The following KMO variants were observed in gnomAD, a reference collection of about 807,000 sequenced individuals.
KMO encodes the protein kynurenine 3-hydroxylase.
In KMO, 24 loss-of-function variants were observed where a neutral mutation model predicts 57.8. The observed-to-expected ratio is 0.42, with a 90% CI of 0.30 to 0.58. The LOEUF (loss-of-function observed/expected upper bound fraction) is 0.58, where lower values mean the gene tolerates loss of function less well. Among genes scored for constraint, KMO ranks in the 20% least tolerant of loss-of-function variants. The pLI, the probability that KMO is intolerant of heterozygous loss-of-function variation, is 0.22. For missense variants in KMO, 483 were observed against 588.2 expected (o/e 0.82, Z 1.85); for synonymous variants, 210 against 193.6 (o/e 1.08, Z -0.70).
intron 10 of KMO, among the ~76,000 whole-genome samples, chr1:241,578,600 G>A (rs962252482): frequency 6.6e-6 from 1 of 152,124 alleles, no homozygotes. Flanking sequence ...CTCAGATGGA[G>A]GGGAGTGACA....
rs1662170833 is a variant in KMO, at chr1:241,568,725, T to G, written c.957+78T>G. 3 of 1,329,406 alleles carry G rather than the reference T, an allele frequency of 2.3e-6. No homozygotes were observed. In the East Asian group the frequency reaches 7.5e-5, roughly 33 times the overall value. The allele number at this position is 1,329,406 out of a possible 1,614,324, so 82.4% of individuals were successfully genotyped here. On this transcript the variant is annotated intron_variant, in intron 10 of 14. Coordinates refer to ENST00000366559, the MANE Select transcript of KMO (RefSeq NM_003679.5). ...GCTAACAAGTCTTACGTAAAAAATA[T>G]GTCTAAGACTATCCCCACATAATCC...
chr1:241,541,001 C>G (rs1660939001), intron 1 of KMO, among the ~76,000 whole-genome samples: 1 of 152,136 alleles, frequency 6.6e-6, no homozygotes. Flanking sequence ...TTCAAGGTTG[C>G]AGTGAACTAT....
At position 241,549,756 on chromosome 1, in the gene KMO, T is replaced by C; in HGVS notation, c.204T>C (p.Ala68=). The C allele has an allele frequency of 6.2e-7, 1 of 1,610,866 alleles. No individual in the cohort carries two copies. Among genetic ancestry groups the C allele is most frequent in the Admixed American group, 1.7e-5 (1 of 59,956 alleles). Residue 68 remains alanine (A), a synonymous_variant, in exon 3 of 15, where the codon GCT becomes GCC. Transcript: ENST00000366559. ...LSHRGRQALK[A]VGLEDQIVSQ... ...ATAGAGGACGACAAGCCTTGAAAGC[T>C]GTTGGCCTGGAAGATCAGGTACTTA...
At chr1:241,562,125 C>T (rs1290766521) in intron 6 of KMO, 42 bp from the exon 7 acceptor site, 1 of 1,569,908 alleles carries the variant, frequency 6.4e-7, no homozygotes, top group Admixed American at 1.7e-5. Context: ...ATTTTCACCA[C>T]TAGACATATT....
chr1:241,568,709 T>G, intron 10 of KMO, 62 bp downstream of exon 10: 1 of 1,505,198 alleles, frequency 6.6e-7, no homozygotes, highest in Non-Finnish European at 9.1e-7. Context: ...AGCTAACAAG[T>G]CTTACGTAAA....
At chr1:241,533,654 T>C (rs1315654159) in intron 1 of KMO, among the ~76,000 whole-genome samples, 1 of 152,218 alleles carries the variant, frequency 6.6e-6, no homozygotes, top group Non-Finnish European at 1.5e-5. Flanking sequence ...GATTACTATG[T>C]ACCAATATTG....
intron 11 of KMO, 110 bp downstream of exon 11, chr1:241,586,846 C>G: frequency 1.3e-6 from 1 of 763,798 alleles, no homozygotes; most frequent in East Asian, 2.6e-5. Flanking sequence ...TGTATATTAT[C>G]TCCCCAGGAT....
intron 11 of KMO, among the ~76,000 whole-genome samples, chr1:241,587,139 G>C (rs1026886016): frequency 2.0e-5 from 3 of 152,150 alleles, no homozygotes; most frequent in Non-Finnish European, 4.4e-5. Context: ...GACAGGGGGT[G>C]GGGGGAGATG....
At chr1:241,586,962 T>G (rs1352362236) in intron 11 of KMO, among the ~76,000 whole-genome samples, 1 of 152,182 alleles carries the variant, frequency 6.6e-6, no homozygotes, top group Non-Finnish European at 1.5e-5. Flanking sequence ...TGGAGGTCCA[T>G]GAAGTGATTC....
intron 10 of KMO, among the ~76,000 whole-genome samples, chr1:241,584,536 T>C (rs648708): frequency 0.29 from 43,572 of 152,082 alleles, 6,518 homozygotes; most frequent in East Asian, 0.42. Flanking sequence ...GCTGATTAGA[T>C]GTTGAACACT....
intron 4 of KMO, 72 bp downstream of exon 4, chr1:241,551,116 A>G: frequency 1.2e-6 from 1 of 820,382 alleles, no homozygotes; most frequent in Non-Finnish European, 2.0e-6. Context: ...CTCTTGTTTG[A>G]TGGCCCCTCT....
In KMO at chr1:241,594,358, A is replaced by C; in HGVS notation, c.*2205A>C. On this transcript the variant is annotated 3_prime_UTR_variant, in exon 15 of 15. Coordinates refer to ENST00000366559, the MANE Select transcript of KMO (RefSeq NM_003679.5). ...ATTACATAGAACGGGTATTCCAGAC[A>C]CTTCTTATGATGAAAGTCCAAAAGT... is the stretch of plus-strand genomic sequence containing the variant. 1 of 1,513,550 alleles carries C rather than the reference A, an allele frequency of 6.6e-7. No homozygotes were observed. The highest frequency in any genetic ancestry group is 2.3e-5 in the East Asian group (1 of 44,244). The allele number at this position is 1,513,550 out of a possible 1,614,324, so 93.8% of individuals were successfully genotyped here.
At chr1:241,544,662 G>A (rs1311526148) in intron 1 of KMO, among the ~76,000 whole-genome samples, 2 of 152,142 alleles carry the variant, frequency 1.3e-5, no homozygotes, top group Non-Finnish European at 2.9e-5. Flanking sequence ...TTTTTCATGT[G>A]TGTTTTCTAG....
chr1:241,572,838 C>T (rs1056056671), intron 10 of KMO, among the ~76,000 whole-genome samples: 32 of 152,004 alleles, frequency 2.1e-4, no homozygotes, highest in African/African-American at 5.6e-4. Context: ...TATTACTCTG[C>T]GTTTCTGTAC....
intron 7 of KMO, among the ~76,000 whole-genome samples, chr1:241,562,742 G>A (rs1661897270): frequency 1.3e-5 from 2 of 152,156 alleles, no homozygotes; most frequent in Non-Finnish European, 2.9e-5. Context: ...GTGAGGCTGA[G>A]GTGGAAGGAT....
At chr1:241,559,395 A>C (rs1044418284) in intron 5 of KMO, among the ~76,000 whole-genome samples, 1 of 152,134 alleles carries the variant, frequency 6.6e-6, no homozygotes, top group African/African-American at 2.4e-5. Context: ...CGTTCTACAA[A>C]AAATTATTTA....
chr1:241,585,670 T>G (rs1045428509), intron 10 of KMO, among the ~76,000 whole-genome samples: 2 of 150,430 alleles, frequency 1.3e-5, no homozygotes, highest in African/African-American at 4.9e-5. Flanking sequence ...GGAAGGAGAA[T>G]CATTTGAACC....
chr1:241,564,670 A>G (rs1195286766), intron 7 of KMO, among the ~76,000 whole-genome samples: 2 of 151,948 alleles, frequency 1.3e-5, no homozygotes, highest in Admixed American at 1.3e-4. Flanking sequence ...TACCAGGTAT[A>G]ATTATACCAG....
intron 8 of KMO, among the ~76,000 whole-genome samples, chr1:241,566,012 C>T (rs995106658): frequency 6.6e-6 from 1 of 152,136 alleles, no homozygotes; most frequent in African/African-American, 2.4e-5. Flanking sequence ...CCAGACCAAC[C>T]TGCCCAACAT....
Sources: gnomAD v4.1 joint callset for allele counts (sites outside exome capture counted in the v4.1 genomes callset) on GRCh38, gnomAD v4.1.1 for gene constraint, MANE v1.5 for transcripts, NCBI Gene and HGNC (gene_info 2026-07-23, HGNC 2026-07-21) for gene names.